CSRNP3: variants seen among roughly 807,000 people sequenced by gnomAD.
CSRNP3 encodes cysteine and serine rich nuclear protein 3, also known as cysteine/serine-rich nuclear protein 3.
Under a neutral mutation model 48.0 loss-of-function variants are expected in CSRNP3, and 12 were observed. The observed-to-expected ratio is 0.25, with a 90% CI of 0.16 to 0.41. The LOEUF (loss-of-function observed/expected upper bound fraction) is 0.41. CSRNP3 is among the 10% of genes least tolerant of loss of function. The pLI is 1.00. For missense variants in CSRNP3, 580 were observed against 724.4 expected (o/e 0.80, Z 2.29); for synonymous variants, 263 against 269.7 (o/e 0.98, Z 0.24).
chr2:165,667,711 C>T (rs1687258565), intron 5 of CSRNP3, among the ~76,000 whole-genome samples: 1 of 152,188 alleles, frequency 6.6e-6, no homozygotes, highest in Non-Finnish European at 1.5e-5. Flanking sequence ...ACTATGGAAT[C>T]TGAATAGGAA....
chr2:165,593,043 C>T (rs188946612), intron 3 of CSRNP3, among the ~76,000 whole-genome samples: 1,987 of 151,982 alleles, frequency 0.013, 49 homozygotes, highest in African/African-American at 0.045. Flanking sequence ...CCTCGTGATC[C>T]GCCCGCCTCG....
At chr2:165,506,064 C>T (rs941974973) in intron 2 of CSRNP3, among the ~76,000 whole-genome samples, 3 of 152,128 alleles carry the variant, frequency 2.0e-5, no homozygotes, top group Admixed American at 6.6e-5. Flanking sequence ...CCTACCCTGT[C>T]CATCATGACT....
chr2:165,668,636 G>T (rs931663398), intron 5 of CSRNP3, among the ~76,000 whole-genome samples: 1 of 151,932 alleles, frequency 6.6e-6, no homozygotes, highest in Non-Finnish European at 1.5e-5. Context: ...CCCTGAGCTC[G>T]TTATCTGCCT....
chr2:165,619,914 T>G (rs776082467), intron 4 of CSRNP3, among the ~76,000 whole-genome samples: 1 of 152,116 alleles, frequency 6.6e-6, no homozygotes, highest in Non-Finnish European at 1.5e-5. Flanking sequence ...GTACATATTC[T>G]TAGTAAGAGC....
chr2:165,556,387 C>A (rs1037313710), intron 3 of CSRNP3, among the ~76,000 whole-genome samples: 4 of 152,014 alleles, frequency 2.6e-5, no homozygotes, highest in Non-Finnish European at 5.9e-5. Context: ...AAAGAGATGT[C>A]AAGTTTAGAG....
intron 4 of CSRNP3, among the ~76,000 whole-genome samples, chr2:165,649,990 A>T (rs545693850): frequency 6.6e-6 from 1 of 152,232 alleles, no homozygotes; most frequent in East Asian, 1.9e-4. Context: ...TAAACTCTTT[A>T]TAACTGAATG....
chr2:165,647,583 G>A (rs1007444614), intron 4 of CSRNP3, among the ~76,000 whole-genome samples: 7 of 152,250 alleles, frequency 4.6e-5, no homozygotes, highest in African/African-American at 1.2e-4. Flanking sequence ...CAGTAATGAC[G>A]TCAGGTGATA....
intron 3 of CSRNP3, among the ~76,000 whole-genome samples, chr2:165,575,011 T>C (rs1283377494): frequency 1.3e-5 from 2 of 152,214 alleles, no homozygotes; most frequent in Non-Finnish European, 2.9e-5. Context: ...AACCTTTCTT[T>C]GATTTTTCTA....
intron 4 of CSRNP3, 137 bp from the exon 5 acceptor site, chr2:165,657,624 G>T: frequency 5.3e-6 from 5 of 944,222 alleles, no homozygotes; most frequent in Non-Finnish European, 8.0e-6. Flanking sequence ...GCCAACTCTG[G>T]GATATAACAG....
rs1262600557 is a variant in CSRNP3 at position 165,679,556 on chromosome 2, G to A, written c.1561G>A (p.Glu521Lys). The change falls in exon 7 of 7, where the codon GAA becomes AAA. Residue 521 changes from glutamate (E) to lysine (K), a missense_variant. Physicochemically the swap from Glu to Lys is moderately conservative, Grantham distance 56. Coordinates refer to ENST00000651982, the MANE Select transcript of CSRNP3 (RefSeq NM_001172173.2). ...TGTGCCCTGCAATAGTTTATATCCT[G>A]AACACAGGTCCAATCACCCTCAAGT... ...SGVPCNSLYP[E>K]HRSNHPQVEF... The A allele has an allele frequency of 6.2e-7, 1 of 1,613,848 alleles. No individual in the cohort carries two copies. The highest frequency in any genetic ancestry group is 1.3e-5 in the African/African-American group (1 of 74,992).
intron 4 of CSRNP3, among the ~76,000 whole-genome samples, chr2:165,602,165 G>A (rs1685926335): frequency 6.6e-6 from 1 of 152,084 alleles, no homozygotes; most frequent in South Asian, 2.1e-4. Flanking sequence ...AAGAGTTTTA[G>A]AAGAAGTCTT....
rs550822861 is a variant in CSRNP3, at chr2:165,541,015, A to G, written c.-24+23054A>G. Reference sequence around the variant, plus strand: ...GGCCTTCCAAAGAAAATTTTACATTATAACGTCTTGTATTGCCCCAACTGC... The same window carrying G: ...GGCCTTCCAAAGAAAATTTTACATTGTAACGTCTTGTATTGCCCCAACTGC... On this transcript the variant is annotated intron_variant, in intron 3 of 6. Coordinates refer to ENST00000651982, the MANE Select transcript of CSRNP3 (RefSeq NM_001172173.2). Among the ~76,000 whole-genome samples, 6 of 152,180 alleles carry G rather than the reference A, an allele frequency of 3.9e-5. No individual in the cohort carries two copies. In the South Asian group the frequency reaches 1.2e-3, roughly 32 times the overall value.
intron 3 of CSRNP3, among the ~76,000 whole-genome samples, chr2:165,549,807 T>C (rs557787521): frequency 2.8e-4 from 42 of 152,120 alleles, no homozygotes; most frequent in Non-Finnish European, 5.3e-4. Flanking sequence ...AGGAGCTTTG[T>C]TGTAGTCTAT....
Position 165,681,803 on chromosome 2 carries a change from A to ATGTGTGTG in CSRNP3, c.*2070_*2077dup, listed in dbSNP as rs372840967. ...TACACATATATATACACATATATGT[A>ATGTGTGTG]TGTGTGTGTGTGTGTGTGTGTGTGT... On this transcript the variant is annotated 3_prime_UTR_variant, in exon 7 of 7. Transcript: ENST00000651982. The ATGTGTGTG allele has an allele frequency of 4.7e-5, 6 of 126,814 alleles. No individual in the cohort carries two copies. Among genetic ancestry groups the ATGTGTGTG allele is most frequent in the African/African-American group, 1.8e-4 (6 of 33,568 alleles). 7.9% of individuals were successfully genotyped at this position (126,814 alleles called of 1,614,324 possible).
At chr2:165,668,797 G>A (rs1687279938) in intron 5 of CSRNP3, among the ~76,000 whole-genome samples, 2 of 152,176 alleles carry the variant, frequency 1.3e-5, no homozygotes, top group South Asian at 2.1e-4. Flanking sequence ...AGAGTGTACT[G>A]CCACGTTGTC....
chr2:165,624,797 C>T (rs1204225336), intron 4 of CSRNP3, among the ~76,000 whole-genome samples: 1 of 152,174 alleles, frequency 6.6e-6, no homozygotes, highest in African/African-American at 2.4e-5. Context: ...AGCTGGCATG[C>T]ATGAGGAGTC....
chr2:165,473,726 A>G (rs1265845249), intron 1 of CSRNP3, among the ~76,000 whole-genome samples: 1 of 152,144 alleles, frequency 6.6e-6, no homozygotes, highest in African/African-American at 2.4e-5. Context: ...TATTTCACAT[A>G]TCTCAATGAA....
At chr2:165,583,739 A>G (rs1278271837) in intron 3 of CSRNP3, among the ~76,000 whole-genome samples, 3 of 152,214 alleles carry the variant, frequency 2.0e-5, no homozygotes, top group Non-Finnish European at 2.9e-5. Flanking sequence ...ACACTAGTAA[A>G]TAATAATAAG....
intron 3 of CSRNP3, among the ~76,000 whole-genome samples, chr2:165,548,399 A>G (rs1018411885): frequency 5.3e-5 from 8 of 152,226 alleles, no homozygotes; most frequent in African/African-American, 1.9e-4. Context: ...TCTGAGGATT[A>G]AATGGCAATA....
Sources: allele counts gnomAD v4.1 joint callset (sites outside exome capture counted in the v4.1 genomes callset), GRCh38; gene constraint gnomAD v4.1.1; transcripts MANE v1.5; gene names NCBI Gene and HGNC (gene_info 2026-07-23, HGNC 2026-07-21).